Variants in TRMU observed in about 807,000 individuals in gnomAD.
TRMU encodes tRNA mitochondrial 2-thiouridylase, also known as mitochondrial tRNA-specific 2-thiouridylase 1.
Under a neutral mutation model 46.9 loss-of-function variants are expected in TRMU, and 49 were observed. The observed-to-expected ratio is 1.05, with a 90% confidence interval of 0.83 to 1.33. The LOEUF (loss-of-function observed/expected upper bound fraction) is 1.33. TRMU is among the 40% of genes most tolerant of loss of function. The pLI is 0.00. For synonymous variants in TRMU, 241 were observed against 200.9 expected, an observed-to-expected ratio of 1.20 and a Z score of -1.69; for missense variants, 572 against 532.4, an observed-to-expected ratio of 1.07 and a Z score of -0.73.
intron 10 of TRMU, 96 bp downstream of exon 10, chr22:46,356,168 G>A (rs887238781): frequency 1.4e-6 from 2 of 1,418,810 alleles, no homozygotes; most frequent in East Asian, 4.7e-5. Context: ...AGGCCCAGGA[G>A]TAGGGTGTGC....
intron 1 of TRMU, 26 bp downstream of exon 1, chr22:46,335,872 C>A (rs569915020): frequency 2.0e-6 from 3 of 1,533,782 alleles, no homozygotes; most frequent in South Asian, 1.2e-5. Flanking sequence ...CTCCCGCCCC[C>A]CGCCGAGCGA....
rs144936527 is a variant in TRMU at position 46,344,337 on chromosome 22, G to A, written c.355+969G>A. Among the ~76,000 whole-genome samples, 503 of 152,320 alleles carry A rather than the reference G, an allele frequency of 3.3e-3. 1 individual carries two copies. Among genetic ancestry groups the A allele is most frequent in the African/African-American group, 0.011 (472 of 41,568 alleles). On this transcript the variant is annotated intron_variant, in intron 3 of 10. Transcript: ENST00000645190. Reference sequence around the variant, plus strand: ...AGGGGTGATGCGTCCCCTGTGGTCCGTCCTGGTTAGACCGTATTAGTTATT... The same window carrying A: ...AGGGGTGATGCGTCCCCTGTGGTCCATCCTGGTTAGACCGTATTAGTTATT...
Position 46,350,201 on chromosome 22 carries a change from A to C in TRMU, c.479-90A>C. ...TGTCTGCCTCTGACAGGCTAGGGGTAGTCTGTCTAAGTGAACAGAAGGACA... is the reference window on the plus strand; with the variant it reads ...TGTCTGCCTCTGACAGGCTAGGGGTCGTCTGTCTAAGTGAACAGAAGGACA... On this transcript the variant is annotated intron_variant, in intron 4 of 10. Coordinates refer to ENST00000645190, the MANE Select transcript of TRMU (RefSeq NM_018006.5). This position sits in a 1 kb window ranked among gnomAD's most constrained non-coding sequence, Gnocchi z 4.6. 6.7e-7 allele frequency: 1 copy of C among 1,492,124 alleles called. No homozygotes were observed. Among genetic ancestry groups the C allele is most frequent in the Non-Finnish European group, 9.3e-7 (1 of 1,074,358 alleles). The allele number at this position is 1,492,124 out of a possible 1,614,324, so 92.4% of individuals were successfully genotyped here. A position where few individuals can be genotyped will look rare whatever the true frequency, so the allele number is the denominator to read the frequency against.
intron 3 of TRMU, 144 bp from the exon 4 acceptor site, chr22:46,346,278 C>CT: frequency 1.0e-6 from 1 of 958,934 alleles, no homozygotes; most frequent in Non-Finnish European, 1.5e-6. Flanking sequence ...CCTGGGATCT[C>CT]TATGTTTGGG....
intron 7 of TRMU, chr22:46,353,102 A>C (rs1346203700): frequency 6.2e-6 from 1 of 161,298 alleles, no homozygotes; most frequent in South Asian, 1.7e-4. Context: ...CATTCCTGAG[A>C]CAGGTGGAGG....
chr22:46,350,322 TA>T lies in TRMU; in HGVS notation c.513del (p.Asp172ThrfsTer14). The T allele has an allele frequency of 6.2e-7, 1 of 1,614,270 alleles. No homozygotes were observed. Among genetic ancestry groups the T allele is most frequent in the Non-Finnish European group, 8.5e-7 (1 of 1,180,050 alleles). ...VKLLQAADSF[K>X]DQTFFLSQVS... The stretch of plus-strand genomic sequence containing the variant: ...AACTCCTCCAGGCAGCTGACAGCTT[TA>T]AAGACCAGACCTTCTTTCTCAGCCA... On this transcript the variant is annotated frameshift_variant, in exon 5 of 11. Coordinates refer to ENST00000645190, the MANE Select transcript of TRMU (RefSeq NM_018006.5). LOFTEE classifies it high-confidence loss of function. This position sits in a 1 kb window ranked among gnomAD's most constrained non-coding sequence, Gnocchi z 4.6.
chr22:46,353,553 C>T (rs552354002), intron 7 of TRMU: 1 of 498,642 alleles, frequency 2.0e-6, no homozygotes, highest in Non-Finnish European at 3.8e-6. Flanking sequence ...GGCCACCACA[C>T]CCCATGTCCA....
chr22:46,335,774 T>G lies in TRMU; in HGVS notation c.10T>G (p.Leu4Val), dbSNP rs114302881. 5.3e-3 allele frequency: 8,153 copies of G among 1,552,306 alleles called. 334 individuals carry two copies. In the African/African-American group the frequency reaches 0.093, roughly 18 times the overall value. The change falls in exon 1 of 11, where the codon TTG (leucine) becomes GTG (valine). Residue 4 changes from leucine (L) to valine (V), a missense_variant. Leu to Val is a conservative substitution (Grantham distance 32). Transcript: ENST00000645190. MQA[L>V]RHVVCALSGG... Reference sequence around the variant, plus strand: ...GTTGGGCGACTGGCGGATGCAGGCCTTGCGGCACGTCGTGTGCGCCCTGTC... The same window carrying G: ...GTTGGGCGACTGGCGGATGCAGGCCGTGCGGCACGTCGTGTGCGCCCTGTC...
Position 46,336,742 on chromosome 22 carries a change from C to G in TRMU, c.82+896C>G, listed in dbSNP as rs1415811807. ...CTATTATGGTAGGTACAGTAAGTGC[C>G]AAAGAGAAGGGTAGGCGGACCATAA... On this transcript the variant is annotated intron_variant, in intron 1 of 10. Transcript: ENST00000645190. The surrounding 1 kb of genome is among the most constrained non-coding windows in gnomAD (Gnocchi z 4.1). 2 of 152,132 alleles carry G rather than the reference C, an allele frequency of 1.3e-5. No individual in the cohort carries two copies. Among genetic ancestry groups the G allele is most frequent in the African/African-American group, 4.8e-5 (2 of 41,376 alleles). The allele number at this position is 152,132 out of a possible 1,614,324, so 9.4% of individuals were successfully genotyped here. A position where few individuals can be genotyped will look rare whatever the true frequency, so the allele number is the denominator to read the frequency against.
rs2078059484 is a variant in TRMU, at chr22:46,339,288, T to C, written c.248+1344T>C. ...CCTCAGCCTCCCAAGTAGCTGGGAT[T>C]ATAGGCATGCACCACCACGCCCGGA... On this transcript the variant is annotated intron_variant, in intron 2 of 10. Transcript: ENST00000645190. This position sits in a 1 kb window ranked among gnomAD's most constrained non-coding sequence, Gnocchi z 4.8. Among the ~76,000 whole-genome samples the C allele has an allele frequency of 1.3e-5, 2 of 152,186 alleles. No individual in the cohort carries two copies. The highest frequency in any genetic ancestry group is 4.8e-5 in the African/African-American group (2 of 41,442).
At position 46,347,053 on chromosome 22, in the gene TRMU, C is replaced by T. The variant is rs549910223; in HGVS notation, c.478+509C>T. ...TGCGTGTTAGGGAGCCAAGTTTCAC[C>T]TTTCTAGAAAAAAGTCAATGGCAGA... On this transcript the variant is annotated intron_variant, in intron 4 of 10. Coordinates refer to ENST00000645190, the MANE Select transcript of TRMU (RefSeq NM_018006.5). This position sits in a 1 kb window ranked among gnomAD's most constrained non-coding sequence, Gnocchi z 5.0. Among the ~76,000 whole-genome samples the T allele has an allele frequency of 3.4e-4, 52 of 152,362 alleles. No homozygotes were observed. Among genetic ancestry groups the T allele is most frequent in the African/African-American group, 1.2e-3 (50 of 41,588 alleles).
Position 46,353,804 on chromosome 22 carries a change from A to G in TRMU, c.810A>G (p.Ile270Met). Residue 270 changes from isoleucine to methionine, a missense_variant, in exon 8 of 11, where the codon ATA becomes ATG. By Grantham distance (10) the Ile-to-Met change is conservative (BLOSUM62 1). Coordinates refer to ENST00000645190, the MANE Select transcript of TRMU (RefSeq NM_018006.5). ...ATACCTTGGGCCAGAGAGCAAACAT[A>G]GGTGGCCTGAGAGAGCCCTGGTACG... is the stretch of plus-strand genomic sequence containing the variant. ...FLYTLGQRAN[I>M]GGLREPWYVV... 1.9e-6 allele frequency: 3 copies of G among 1,613,946 alleles called. No individual in the cohort carries two copies. Among genetic ancestry groups the G allele is most frequent in the Non-Finnish European group, 2.5e-6 (3 of 1,179,854 alleles).
rs540183174 is a variant in TRMU, at chr22:46,353,879, G to A, written c.873+12G>A. ...GTGACGTGTTTGTGGTGAGTGGGCC[G>A]GCCTCTGAGACAGCACTGGGGCTGG... On this transcript the variant is annotated intron_variant, in intron 8 of 10. Transcript: ENST00000645190. The A allele has an allele frequency of 3.2e-5, 52 of 1,612,188 alleles. No homozygotes were observed. In the East Asian group the frequency reaches 4.5e-4, roughly 14 times the overall value.
Position 46,338,904 on chromosome 22 carries a change from C to T in TRMU, c.248+960C>T, listed in dbSNP as rs1361441201. Among the ~76,000 whole-genome samples, 1 of 152,116 alleles carries T rather than the reference C, an allele frequency of 6.6e-6. No homozygotes were observed. The highest frequency in any genetic ancestry group is 1.5e-5 in the Non-Finnish European group (1 of 68,034). The stretch of plus-strand genomic sequence containing the variant: ...GGGGCAGAAGAGCCTTGGGTTGAGT[C>T]CTGACTGTAGCTTATTATATGACCT... On this transcript the variant is annotated intron_variant, in intron 2 of 10. Transcript: ENST00000645190. The surrounding 1 kb of genome is among the most constrained non-coding windows in gnomAD (Gnocchi z 4.5).
chr22:46,336,939 C>T lies in TRMU; in HGVS notation c.83-840C>T, dbSNP rs971891955. 6.6e-6 allele frequency among the ~76,000 whole-genome samples: 1 copy of T among 152,196 alleles called. No homozygotes were observed. The highest frequency in any genetic ancestry group is 3.4e-3 in the Middle Eastern group (1 of 294). On this transcript the variant is annotated intron_variant, in intron 1 of 10. Transcript: ENST00000645190. The surrounding 1 kb of genome is among the most constrained non-coding windows in gnomAD (Gnocchi z 4.1). ...AATCACAGAGGCCTGCAAGTGTGGGCTGGTTCTGGCCAGATGGAGATGGAA... is the reference window on the plus strand; with the variant it reads ...AATCACAGAGGCCTGCAAGTGTGGGTTGGTTCTGGCCAGATGGAGATGGAA...
intron 2 of TRMU, among the ~76,000 whole-genome samples, chr22:46,341,410 G>T (rs2078120198): frequency 6.6e-6 from 1 of 152,110 alleles, no homozygotes; most frequent in African/African-American, 2.4e-5. Context: ...ATCAAGTGTT[G>T]TTGCAAATGT....
rs893125517 is a variant in TRMU at position 46,350,061 on chromosome 22, G to C, written c.479-230G>C. Among the ~76,000 whole-genome samples the C allele has an allele frequency of 7.4e-5, 11 of 149,594 alleles. No homozygotes were observed. Among genetic ancestry groups the C allele is most frequent in the Non-Finnish European group, 1.5e-4 (10 of 67,656 alleles). On this transcript the variant is annotated intron_variant, in intron 4 of 10. Transcript: ENST00000645190. This position sits in a 1 kb window ranked among gnomAD's most constrained non-coding sequence, Gnocchi z 4.6. ...TTGAAAATATTATAATCTGAAGTATGAGCTGGAATAATTTCTTTGTCATGT... is the reference window on the plus strand; with the variant it reads ...TTGAAAATATTATAATCTGAAGTATCAGCTGGAATAATTTCTTTGTCATGT...
rs1319432958 is a variant in TRMU at position 46,336,007 on chromosome 22, C to T, written c.82+161C>T. 3 of 1,449,986 alleles carry T rather than the reference C, an allele frequency of 2.1e-6. No individual in the cohort carries two copies. Among genetic ancestry groups the T allele is most frequent in the Non-Finnish European group, 2.7e-6 (3 of 1,102,430 alleles). The allele number at this position is 1,449,986 out of a possible 1,614,324, so 89.8% of individuals were successfully genotyped here. The stretch of plus-strand genomic sequence containing the variant: ...GTCCTCTGACTTTGGTTCGGAGGCT[C>T]CTCGCCCTCCACCTGTGTAGTCGGA... On this transcript the variant is annotated intron_variant, in intron 1 of 10. Transcript: ENST00000645190. The surrounding 1 kb of genome is among the most constrained non-coding windows in gnomAD (Gnocchi z 4.1).
rs1051600836 is a variant in TRMU, at chr22:46,339,002, A to G, written c.248+1058A>G. Among the ~76,000 whole-genome samples the G allele has an allele frequency of 6.6e-6, 1 of 152,210 alleles. No homozygotes were observed. Among genetic ancestry groups the G allele is most frequent in the African/African-American group, 2.4e-5 (1 of 41,440 alleles). ...TTTTTCCTGCCAACAAAGACCCAGA[A>G]GAGATACTTGACTTTTCTAAGCCCC... On this transcript the variant is annotated intron_variant, in intron 2 of 10. Transcript: ENST00000645190. The surrounding 1 kb of genome is among the most constrained non-coding windows in gnomAD (Gnocchi z 4.8).
Sources: allele counts gnomAD v4.1 joint callset (sites outside exome capture counted in the v4.1 genomes callset), GRCh38; gene constraint gnomAD v4.1.1; non-coding constraint Gnocchi (gnomAD v3.1); transcripts MANE v1.5; gene names NCBI Gene and HGNC (gene_info 2026-07-23, HGNC 2026-07-21).